The following STPG2 variants were observed in gnomAD, a reference collection of about 807,000 sequenced individuals.
STPG2 encodes the protein sperm-tail PG-rich repeat-containing protein 2.
Under a neutral mutation model 54.2 loss-of-function variants are expected in STPG2, and 56 were observed. That is an observed-to-expected ratio of 1.03 (90% confidence interval 0.83 to 1.29). STPG2 has a LOEUF of 1.29. Ranked by LOEUF, STPG2 falls within the 50% of genes most tolerant of loss-of-function variation. The pLI is 0.00. For missense variants in STPG2, 596 were observed against 544.9 expected (o/e 1.09, Z -0.93); for synonymous variants, 200 against 181.8 (o/e 1.10, Z -0.81).
chr4:97,889,858 G>A (rs1019655952), intron 8 of STPG2, among the ~76,000 whole-genome samples: 5 of 151,994 alleles, frequency 3.3e-5, no homozygotes, highest in African/African-American at 1.2e-4. Flanking sequence ...ATAATGTGAG[G>A]TACTACACAT....
chr4:97,941,403 A>G (rs907575120), intron 8 of STPG2, among the ~76,000 whole-genome samples: 1 of 152,040 alleles, frequency 6.6e-6, no homozygotes, highest in Non-Finnish European at 1.5e-5. Flanking sequence ...TCAAATAATT[A>G]TTGTCTCAAC....
intron 10 of STPG2, among the ~76,000 whole-genome samples, chr4:97,712,170 G>A (rs901553943): frequency 6.6e-6 from 1 of 152,008 alleles, no homozygotes; most frequent in African/African-American, 2.4e-5. Flanking sequence ...ATTCTCTAAA[G>A]GGCAATAAAG....
chr4:98,108,972 A>G (rs1287312281), intron 4 of STPG2, among the ~76,000 whole-genome samples: 1 of 152,160 alleles, frequency 6.6e-6, no homozygotes, highest in Non-Finnish European at 1.5e-5. Flanking sequence ...TGGCACATGT[A>G]TACCCATGTA....
At chr4:97,861,666 C>T (rs937918747) in intron 8 of STPG2, among the ~76,000 whole-genome samples, 3 of 151,978 alleles carry the variant, frequency 2.0e-5, no homozygotes, top group Non-Finnish European at 4.4e-5. Flanking sequence ...TAAGGGCAGC[C>T]AGAGAGAAAG....
intron 4 of STPG2, among the ~76,000 whole-genome samples, chr4:97,540,009 C>T (rs1024174305): frequency 3.3e-5 from 5 of 152,016 alleles, no homozygotes; most frequent in African/African-American, 1.2e-4. Context: ...CACTAAATGC[C>T]CACAAGAGAA....
rs80308239 is a variant in STPG2, at chr4:97,868,431, A to G, written c.1045-27499T>C. Reference sequence around the variant, plus strand: ...GAACTTCCTTTCAGGGACAATTTTTATATTAATTTCTTAGCATACGGATTC... The same window carrying G: ...GAACTTCCTTTCAGGGACAATTTTTGTATTAATTTCTTAGCATACGGATTC... On this transcript the variant is annotated intron_variant, in intron 8 of 10. Transcript: ENST00000295268. Among the ~76,000 whole-genome samples the G allele has an allele frequency of 6.2e-3, 936 of 151,924 alleles. 10 individuals are homozygous for G. Among genetic ancestry groups the G allele is most frequent in the African/African-American group, 0.021 (876 of 41,482 alleles).
At chr4:97,744,651 T>A (rs528984918) in intron 9 of STPG2, among the ~76,000 whole-genome samples, 1 of 151,382 alleles carries the variant, frequency 6.6e-6, no homozygotes, top group East Asian at 1.9e-4. Context: ...TATAAATACA[T>A]AGCTGCGATA....
rs944083339 is a variant in STPG2, at chr4:97,842,319, G to A, written c.1045-1387C>T. Reference sequence around the variant, plus strand: ...TTTGTCTGCATCAAGAGTATATACAGTAAAACTAGGCTGAAAATAAGCAAC... The same window carrying A: ...TTTGTCTGCATCAAGAGTATATACAATAAAACTAGGCTGAAAATAAGCAAC... On this transcript the variant is annotated intron_variant, in intron 8 of 10. Transcript: ENST00000295268. Among the ~76,000 whole-genome samples the A allele has an allele frequency of 4.0e-5, 6 of 151,780 alleles. No homozygotes were observed. In the South Asian group the frequency reaches 6.2e-4, roughly 16 times the overall value.
chr4:97,936,066 A>T (rs1215856480), intron 8 of STPG2, among the ~76,000 whole-genome samples: 1 of 152,176 alleles, frequency 6.6e-6, no homozygotes, highest in Non-Finnish European at 1.5e-5. Flanking sequence ...GTGCTCCTGT[A>T]TTGGGTGCAT....
At chr4:97,836,277 C>T (rs911676787) in intron 9 of STPG2, among the ~76,000 whole-genome samples, 4 of 151,878 alleles carry the variant, frequency 2.6e-5, no homozygotes, top group Admixed American at 2.6e-4. Flanking sequence ...CTTTAGTAAC[C>T]AAAATTCTGA....
chr4:97,907,818 T>G (rs1396124137), intron 8 of STPG2, among the ~76,000 whole-genome samples: 2 of 152,136 alleles, frequency 1.3e-5, no homozygotes, highest in Non-Finnish European at 2.9e-5. Context: ...TAGCCATATG[T>G]AGAAAGCTGA....
intron 9 of STPG2, among the ~76,000 whole-genome samples, chr4:97,733,706 C>T (rs543688405): frequency 1.3e-5 from 2 of 152,138 alleles, no homozygotes. Context: ...TTCCCTAGAA[C>T]TTATTCAGGG....
intron 9 of STPG2, among the ~76,000 whole-genome samples, chr4:97,833,603 T>G (rs1728539526): frequency 6.6e-6 from 1 of 151,910 alleles, no homozygotes; most frequent in Non-Finnish European, 1.5e-5. Flanking sequence ...TTGCAATCTA[T>G]CCATCTGACA....
chr4:98,107,093 A>G (rs1009913574), intron 4 of STPG2, among the ~76,000 whole-genome samples: 2 of 152,222 alleles, frequency 1.3e-5, no homozygotes, highest in African/African-American at 4.8e-5. Context: ...AAACTCAACA[A>G]ATAAACCGCT....
At chr4:97,772,511 C>T (rs1419821334) in intron 9 of STPG2, among the ~76,000 whole-genome samples, 1 of 152,054 alleles carries the variant, frequency 6.6e-6, no homozygotes, top group Admixed American at 6.6e-5. Flanking sequence ...ACAATAAAGG[C>T]TTATCAAAAT....
chr4:97,833,291 C>T (rs1728526644), intron 9 of STPG2, among the ~76,000 whole-genome samples: 1 of 152,156 alleles, frequency 6.6e-6, no homozygotes, highest in Non-Finnish European at 1.5e-5. Context: ...TTTGGGAAAA[C>T]TGGCTAGCCA....
At chr4:97,647,547 G>T (rs1721945208) in intron 10 of STPG2, among the ~76,000 whole-genome samples, 1 of 151,976 alleles carries the variant, frequency 6.6e-6, no homozygotes, top group African/African-American at 2.4e-5. Flanking sequence ...TTTGCCTGAG[G>T]CTGTCCCATT....
chr4:97,455,560 G>T (rs1421835898), intron 4 of STPG2, among the ~76,000 whole-genome samples: 1 of 152,088 alleles, frequency 6.6e-6, no homozygotes, highest in East Asian at 1.9e-4. Context: ...TGACTCCAGG[G>T]GAAAAACCAC....
chr4:97,555,578 C>T (rs1732060307), downstream of STPG2, among the ~76,000 whole-genome samples: 1 of 152,088 alleles, frequency 6.6e-6, no homozygotes, highest in Non-Finnish European at 1.5e-5. Context: ...TAACTTAATG[C>T]TAATTTTTTA....
Sources: gnomAD v4.1 joint callset for allele counts (sites outside exome capture counted in the v4.1 genomes callset) on GRCh38, gnomAD v4.1.1 for gene constraint, MANE v1.5 for transcripts, NCBI Gene and HGNC (gene_info 2026-07-23, HGNC 2026-07-21) for gene names.